The following MYO3B variants were observed in gnomAD, a reference collection of about 807,000 sequenced individuals.
MYO3B encodes myosin IIIB, also known as myosin-IIIb.
Under a neutral mutation model 174.6 loss-of-function variants are expected in MYO3B, and 156 were observed. The ratio of observed to expected loss-of-function variants is 0.89; its 90% CI spans 0.78 to 1.02. MYO3B has a LOEUF of 1.02. Ranked by LOEUF, MYO3B falls within the 50% of genes least tolerant of loss-of-function variation. MYO3B has a pLI of 0.00. For synonymous variants in MYO3B, 563 were observed against 569.1 expected (o/e 0.99, Z 0.15); for missense variants, 1,632 against 1,639.4 (o/e 1.00, Z 0.08).
intron 8 of MYO3B, among the ~76,000 whole-genome samples, chr2:170,355,838 T>C (rs2094115858): frequency 6.6e-6 from 1 of 152,206 alleles, no homozygotes; most frequent in South Asian, 2.1e-4. Flanking sequence ...AAGTTGCTGA[T>C]AGATTTAGCA....
chr2:170,574,622 A>G (rs1405497253), intron 32 of MYO3B, among the ~76,000 whole-genome samples: 1 of 152,186 alleles, frequency 6.6e-6, no homozygotes, highest in Non-Finnish European at 1.5e-5. Context: ...TAAAGTTAAA[A>G]CACGATTCTC....
At chr2:170,414,729 A>G (rs4668257) in intron 22 of MYO3B, among the ~76,000 whole-genome samples, 33,788 of 152,124 alleles carry the variant, frequency 0.22, 4,595 homozygotes, top group Non-Finnish European at 0.3. Flanking sequence ...ATGTCTATTT[A>G]TTTGGATCTT....
intron 1 of MYO3B, among the ~76,000 whole-genome samples, chr2:170,184,611 C>T (rs1254853062): frequency 1.3e-5 from 2 of 152,104 alleles, no homozygotes; most frequent in Admixed American, 6.6e-5. Flanking sequence ...AGGTTGCTTG[C>T]AAATCTTGGC....
At chr2:170,526,825 C>G (rs933929227) in intron 30 of MYO3B, among the ~76,000 whole-genome samples, 1 of 152,180 alleles carries the variant, frequency 6.6e-6, no homozygotes, top group African/African-American at 2.4e-5. Flanking sequence ...AAATATTTAT[C>G]TGAACTATTT....
chr2:170,385,206 G>A (rs1185092549), intron 12 of MYO3B, among the ~76,000 whole-genome samples: 4 of 152,072 alleles, frequency 2.6e-5, no homozygotes. Context: ...CAACTCAGAA[G>A]CTCTCTGAAT....
intron 8 of MYO3B, among the ~76,000 whole-genome samples, chr2:170,338,480 G>A (rs1200201055): frequency 2.6e-5 from 4 of 152,062 alleles, no homozygotes; most frequent in African/African-American, 9.7e-5. Context: ...CATCTTAGGT[G>A]CTTCAACCAT....
intron 6 of MYO3B, among the ~76,000 whole-genome samples, chr2:170,219,501 G>A (rs2092868447): frequency 6.6e-6 from 1 of 152,084 alleles, no homozygotes; most frequent in South Asian, 2.1e-4. Context: ...AAAATTAGCT[G>A]GGTGTGGTAG....
chr2:170,639,050 G>T (rs1205461427), intron 32 of MYO3B, among the ~76,000 whole-genome samples: 1 of 152,194 alleles, frequency 6.6e-6, no homozygotes, highest in Non-Finnish European at 1.5e-5. Flanking sequence ...CCCTGCTGCA[G>T]GGAATCAAAG....
chr2:170,481,060 C>G (rs1038006609), intron 25 of MYO3B, among the ~76,000 whole-genome samples: 2 of 152,174 alleles, frequency 1.3e-5, no homozygotes, highest in African/African-American at 4.8e-5. Flanking sequence ...CAGAAGAACC[C>G]AGACATCTCG....
chr2:170,392,275 A>G, intron 15 of MYO3B, 106 bp from the exon 16 acceptor site: 1 of 678,772 alleles, frequency 1.5e-6, no homozygotes. Flanking sequence ...GCTGGGCAAC[A>G]GAGTGAGGTC....
At chr2:170,541,949 C>T (rs10191038) in intron 30 of MYO3B, among the ~76,000 whole-genome samples, 122,146 of 152,146 alleles carry the variant, frequency 0.8, 50,221 homozygotes, top group Non-Finnish European at 0.91. Flanking sequence ...AATAAATATA[C>T]GGAAATGAAT....
chr2:170,374,774 C>T (rs866991348), intron 9 of MYO3B, among the ~76,000 whole-genome samples: 2,497 of 151,380 alleles, frequency 0.016, 66 homozygotes, highest in African/African-American at 0.053. Context: ...CACACACACA[C>T]ACACACACAC....
intron 32 of MYO3B, among the ~76,000 whole-genome samples, chr2:170,562,345 A>G (rs1215577877): frequency 3.9e-5 from 6 of 152,226 alleles, no homozygotes; most frequent in Non-Finnish European, 7.3e-5. Flanking sequence ...TAAAAGAGTA[A>G]TGATAGTTCC....
intron 1 of MYO3B, among the ~76,000 whole-genome samples, chr2:170,182,789 T>G (rs1055140066): frequency 1.3e-5 from 2 of 151,988 alleles, no homozygotes; most frequent in African/African-American, 2.4e-5. Flanking sequence ...TTTTCTGTTT[T>G]TAGTAGAGAC....
chr2:170,555,286 T>C (rs1026252606), intron 32 of MYO3B, among the ~76,000 whole-genome samples: 3 of 152,170 alleles, frequency 2.0e-5, no homozygotes, highest in Admixed American at 2.0e-4. Context: ...CTATTATTAT[T>C]ATTACATTAG....
At chr2:170,493,393 T>C (rs1575069144) in intron 25 of MYO3B, among the ~76,000 whole-genome samples, 3 of 152,336 alleles carry the variant, frequency 2.0e-5, no homozygotes, top group Admixed American at 2.0e-4. Flanking sequence ...TTGTCAGTTG[T>C]TTAAAAATAT....
intron 1 of MYO3B, among the ~76,000 whole-genome samples, chr2:170,183,287 A>C (rs2092426038): frequency 6.6e-6 from 1 of 152,068 alleles, no homozygotes; most frequent in African/African-American, 2.4e-5. Flanking sequence ...TTTCAGACTA[A>C]ATTTAGGAAG....
intron 22 of MYO3B, among the ~76,000 whole-genome samples, chr2:170,408,323 T>C (rs756140654): frequency 2.0e-5 from 3 of 152,178 alleles, no homozygotes; most frequent in Non-Finnish European, 4.4e-5. Context: ...ACCCTACCTC[T>C]CTCCTAACCA....
chr2:170,639,386 C>T (rs532376632), intron 32 of MYO3B, among the ~76,000 whole-genome samples: 40 of 152,148 alleles, frequency 2.6e-4, no homozygotes, highest in Non-Finnish European at 5.0e-4. Context: ...TGGCCATTTT[C>T]GCCATAATTC....
Sources: gnomAD v4.1 joint callset for allele counts (sites outside exome capture counted in the v4.1 genomes callset) on GRCh38, gnomAD v4.1.1 for gene constraint, MANE v1.5 for transcripts, NCBI Gene and HGNC (gene_info 2026-07-23, HGNC 2026-07-21) for gene names.